Variants in GLIS3 observed in about 807,000 individuals in gnomAD.
GLIS3 encodes GLIS family zinc finger 3, also known as zinc finger protein GLIS3.
In GLIS3, 53 loss-of-function variants were observed where a neutral mutation model predicts 78.6. The ratio of observed to expected loss-of-function variants is 0.67; its 90% CI spans 0.54 to 0.85. The LOEUF (loss-of-function observed/expected upper bound fraction) is 0.85. Among genes scored for constraint, GLIS3 ranks in the 40% least tolerant of loss-of-function variants. The probability of loss-of-function intolerance (pLI) is 0.00; values close to 1 mark genes in which losing one functional copy is unlikely to be tolerated. For missense variants in GLIS3, 1,703 were observed against 1,231.1 expected (o/e 1.38, Z -5.74); for synonymous variants, 684 against 509.9 (o/e 1.34, Z -4.60).
intron 2 of GLIS3, among the ~76,000 whole-genome samples, chr9:4,142,474 C>T (rs1465616077): frequency 2.0e-5 from 3 of 152,126 alleles, no homozygotes; most frequent in Non-Finnish European, 4.4e-5. Context: ...AGAGTGCCTC[C>T]TCATTCAACT....
intron 4 of GLIS3, among the ~76,000 whole-genome samples, chr9:4,018,742 T>A (rs1275054918): frequency 6.6e-5 from 10 of 152,176 alleles, no homozygotes; most frequent in Admixed American, 6.5e-4. Flanking sequence ...TATACACACT[T>A]GGAAAAAGAA....
At chr9:4,445,404 A>C in the GLIS3 span, among the ~76,000 whole-genome samples, 2 of 152,204 alleles carry the variant, frequency 1.3e-5, no homozygotes, top group African/African-American at 4.8e-5. Flanking sequence ...AGGCTGGCAG[A>C]TTGCTTGAGG....
chr9:3,859,898 G>A lies in GLIS3; in HGVS notation c.2298-3714C>T, dbSNP rs142310374. Among the ~76,000 whole-genome samples, 680 of 152,268 alleles carry A rather than the reference G, an allele frequency of 4.5e-3. 14 individuals carry two copies. Among genetic ancestry groups the A allele is most frequent in the Admixed American group, 0.035 (534 of 15,292 alleles). On this transcript the variant is annotated intron_variant, in intron 8 of 10. Coordinates refer to ENST00000381971, the MANE Select transcript of GLIS3 (RefSeq NM_001042413.2). ...AAACACTTCCACTCATTTGGTAGAG[G>A]AGTTTGTATAACCCTACCATGAGCA...
chr9:4,303,528 A>C (rs1468131894), upstream of GLIS3, among the ~76,000 whole-genome samples: 1 of 152,228 alleles, frequency 6.6e-6, no homozygotes, highest in Non-Finnish European at 1.5e-5. Flanking sequence ...TCTTCGGCTC[A>C]CATACATGTC....
rs1205211394 is a variant in GLIS3 at position 3,828,374 on chromosome 9, A to G, written c.2691T>C (p.Phe897=). The part of the protein sequence containing the change: ...YDLPSSSSSL[F]GESLRSGAED... ...CAGCCCCGCTGCGGAGAGACTCCCCAAAGAGGCTCGAGGAACTTGAAGGTA... is the reference window on the plus strand; with the variant it reads ...CAGCCCCGCTGCGGAGAGACTCCCCGAAGAGGCTCGAGGAACTTGAAGGTA... Residue 897 remains phenylalanine (F), a synonymous_variant, in exon 11 of 11, where the codon TTT becomes TTC. Coordinates refer to ENST00000381971, the MANE Select transcript of GLIS3 (RefSeq NM_001042413.2). The G allele has an allele frequency of 9.3e-6, 15 of 1,613,604 alleles. No individual in the cohort carries two copies. The highest frequency in any genetic ancestry group is 1.3e-5 in the Non-Finnish European group (15 of 1,180,020).
intron 7 of GLIS3, among the ~76,000 whole-genome samples, chr9:3,895,240 T>C (rs760828775): frequency 6.6e-6 from 1 of 152,240 alleles, no homozygotes; most frequent in Non-Finnish European, 1.5e-5. Flanking sequence ...CAACAGGCTA[T>C]GAAATAGTCC....
At chr9:4,178,821 A>G (rs1325146187) in intron 2 of GLIS3, among the ~76,000 whole-genome samples, 1 of 152,228 alleles carries the variant, frequency 6.6e-6, no homozygotes, top group Non-Finnish European at 1.5e-5. Flanking sequence ...CACAAAAATC[A>G]CTAAGAAAAG....
the GLIS3 span, among the ~76,000 whole-genome samples, chr9:4,375,244 C>T: frequency 4.6e-5 from 7 of 152,102 alleles, no homozygotes; most frequent in South Asian, 2.1e-4. Flanking sequence ...CTAATGAACT[C>T]CCAACATCAG....
chr9:4,397,682 GAGGGAGGGAGGGAGGGAGGGAGGAAGGC>G, the GLIS3 span, among the ~76,000 whole-genome samples: 1,110 of 5,548 alleles, frequency 0.2, 21 homozygotes, highest in Middle Eastern at 0.5. Flanking sequence ...GGGAGGAAGG[GAGGGAGGGAGGGAGGGAGGGAGGAAGGC>G]AGGGAGGGAG....
chr9:4,397,082 G>C, the GLIS3 span, among the ~76,000 whole-genome samples: 6,837 of 136,318 alleles, frequency 0.05, 563 homozygotes, highest in East Asian at 0.25. Context: ...CTGGAGTGCA[G>C]TGGCGCGATC....
chr9:4,188,057 G>A (rs1225843056), intron 2 of GLIS3, among the ~76,000 whole-genome samples: 2 of 152,084 alleles, frequency 1.3e-5, no homozygotes, highest in African/African-American at 4.8e-5. Flanking sequence ...GTGAGAGAGG[G>A]CATCCCTGTC....
the GLIS3 span, among the ~76,000 whole-genome samples, chr9:4,426,910 T>C: frequency 1.3e-5 from 2 of 152,232 alleles, no homozygotes; most frequent in Admixed American, 1.3e-4. Context: ...AATTATTACT[T>C]TGACTTCAGT....
At chr9:4,036,582 C>G (rs1824326844) in intron 4 of GLIS3, among the ~76,000 whole-genome samples, 1 of 152,106 alleles carries the variant, frequency 6.6e-6, no homozygotes, top group African/African-American at 2.4e-5. Flanking sequence ...CCTGAGACTC[C>G]AAGAGTGCTA....
chr9:4,320,227 G>A (rs965605532), intron 2 of GLIS3, among the ~76,000 whole-genome samples: 1 of 152,028 alleles, frequency 6.6e-6, no homozygotes, highest in African/African-American at 2.4e-5. Context: ...ATGTCTCCCT[G>A]ACCCTGCATG....
At chr9:3,935,082 G>A (rs1034199378) in intron 5 of GLIS3, among the ~76,000 whole-genome samples, 1 of 152,142 alleles carries the variant, frequency 6.6e-6, no homozygotes, top group Non-Finnish European at 1.5e-5. Context: ...AATCCACTTA[G>A]TTGAAGAAAG....
At chr9:4,488,524 C>CTTT in the GLIS3 span, among the ~76,000 whole-genome samples, 1 of 149,350 alleles carries the variant, frequency 6.7e-6, no homozygotes, top group Non-Finnish European at 1.5e-5. Context: ...CGCTCTCTCT[C>CTTT]TTTTTTTTTT....
intron 2 of GLIS3, among the ~76,000 whole-genome samples, chr9:4,251,003 G>C (rs552864629): frequency 1.3e-5 from 2 of 152,190 alleles, no homozygotes; most frequent in African/African-American, 4.8e-5. Context: ...TTTTGCATTT[G>C]CTGAGGAGTG....
intron 4 of GLIS3, among the ~76,000 whole-genome samples, chr9:4,040,009 G>A (rs1319660100): frequency 6.6e-6 from 1 of 152,138 alleles, no homozygotes; most frequent in Non-Finnish European, 1.5e-5. Flanking sequence ...GCCAAGAGAA[G>A]TCCTACTTCA....
the GLIS3 span, among the ~76,000 whole-genome samples, chr9:4,487,633 G>C: frequency 6.6e-6 from 1 of 151,270 alleles, no homozygotes; most frequent in East Asian, 1.9e-4. Context: ...TGTTTATTTT[G>C]TAAATACTGC....
Sources: gnomAD v4.1 joint callset for allele counts (sites outside exome capture counted in the v4.1 genomes callset) on GRCh38, gnomAD v4.1.1 for gene constraint, MANE v1.5 for transcripts, NCBI Gene and HGNC (gene_info 2026-07-23, HGNC 2026-07-21) for gene names.